The following MAMDC2 variants were observed in gnomAD, a reference collection of about 807,000 sequenced individuals.
MAMDC2 encodes the protein MAM domain containing 2.
MAMDC2 carries 57 observed loss-of-function variants against 89.8 expected under a neutral mutation model. The ratio of observed to expected loss-of-function variants is 0.63; its 90% CI spans 0.51 to 0.79. MAMDC2 has a LOEUF of 0.79. Ranked by LOEUF, MAMDC2 falls within the 30% of genes least tolerant of loss-of-function variation. MAMDC2 has a pLI of 0.00. For synonymous variants in MAMDC2, 313 were observed against 293.4 expected (o/e 1.07, Z -0.68); for missense variants, 800 against 820.6 (o/e 0.97, Z 0.31).
intron 9 of MAMDC2, among the ~76,000 whole-genome samples, chr9:70,163,672 G>T (rs2032063472): frequency 6.6e-6 from 1 of 152,080 alleles, no homozygotes; most frequent in South Asian, 2.1e-4. Flanking sequence ...TCAGGTAACA[G>T]ATCTGGTCAC....
At position 70,140,256 on chromosome 9, in the gene MAMDC2, T is replaced by G; in HGVS notation, c.1106T>G (p.Met369Arg). Residue 369 changes from methionine (M) to arginine (R), a missense_variant, in exon 8 of 14, where the codon ATG becomes AGG. Transcript: ENST00000377182. ...GWTRVKVKPN[M>R]YRAGDHTTGL... ...ACCCGAGTGAAAGTAAAACCAAACA[T>G]GTATCGGGCTGGAGACCACACTACA... The G allele has an allele frequency of 6.2e-7, 1 of 1,601,920 alleles. No individual in the cohort carries two copies. The highest frequency in any genetic ancestry group is 8.5e-7 in the Non-Finnish European group (1 of 1,175,720).
intron 11 of MAMDC2, among the ~76,000 whole-genome samples, chr9:70,171,556 A>G (rs577808937): frequency 6.9e-4 from 105 of 152,248 alleles, no homozygotes; most frequent in Non-Finnish European, 1.3e-3. Context: ...TTTCTCACTC[A>G]CACCCCCATT....
chr9:70,169,695 G>T (rs1334990674), intron 10 of MAMDC2: 1 of 152,080 alleles, frequency 6.6e-6, no homozygotes, highest in East Asian at 1.9e-4. Context: ...GATATAGGGA[G>T]GTACAACCAA....
At chr9:70,135,744 T>C (rs1178464334) in intron 7 of MAMDC2, among the ~76,000 whole-genome samples, 1 of 152,150 alleles carries the variant, frequency 6.6e-6, no homozygotes, top group East Asian at 1.9e-4. Context: ...CCAGAGTCCA[T>C]AGTTTAGATT....
At chr9:70,094,441 A>G (rs947479975) in intron 2 of MAMDC2, among the ~76,000 whole-genome samples, 6 of 152,232 alleles carry the variant, frequency 3.9e-5, no homozygotes, top group African/African-American at 1.4e-4. Context: ...TCTTTTGTGT[A>G]TCCTGACATA....
At chr9:70,187,186 G>T (rs192156615) in intron 11 of MAMDC2, among the ~76,000 whole-genome samples, 1 of 152,076 alleles carries the variant, frequency 6.6e-6, no homozygotes, top group African/African-American at 2.4e-5. Flanking sequence ...CTGCCTAACT[G>T]TCTCTCCTAT....
chr9:70,121,104 C>G (rs775974468), intron 5 of MAMDC2, among the ~76,000 whole-genome samples: 1 of 152,298 alleles, frequency 6.6e-6, no homozygotes, highest in Admixed American at 6.5e-5. Context: ...CCTCTGGCAC[C>G]GCGGCCAAGC....
At chr9:70,065,851 C>T (rs987498962) in intron 2 of MAMDC2, among the ~76,000 whole-genome samples, 1 of 152,144 alleles carries the variant, frequency 6.6e-6, no homozygotes, top group African/African-American at 2.4e-5. Context: ...TTTTTCCACC[C>T]TCCTATTCCT....
chr9:70,141,142 C>T (rs1587507687), intron 8 of MAMDC2, among the ~76,000 whole-genome samples: 1 of 152,176 alleles, frequency 6.6e-6, no homozygotes, highest in African/African-American at 2.4e-5. Context: ...TGAAAGAGCC[C>T]TCACAATTTT....
Position 70,221,403 on chromosome 9 carries a change from A to AGAGAGAGAGAGAGAGAGAGAGG in MAMDC2, c.1911+2812_1911+2813insAGAGAGAGAGAGAGAGGGAGAG, listed in dbSNP as rs1564005264. Among the ~76,000 whole-genome samples the AGAGAGAGAGAGAGAGAGAGAGG allele has an allele frequency of 2.4e-5, 3 of 122,954 alleles. No individual in the cohort carries two copies. In the East Asian group the frequency reaches 7.2e-4, roughly 30 times the overall value. The allele number at this position is 122,954 out of a possible 152,430, so 80.7% of individuals were successfully genotyped here. ...TATAGAGAGAGAGAGAGAGAGAGAGAGAGAGTAACATCAGATAACAAGTGC... is the reference window on the plus strand; with the variant it reads ...TATAGAGAGAGAGAGAGAGAGAGAGAGAGAGAGAGAGAGAGAGAGAGGGAGAGTAACATCAGATAACAAGTGC... On this transcript the variant is annotated intron_variant, in intron 12 of 13. Transcript: ENST00000377182.
rs151147196 is a variant in MAMDC2, at chr9:70,176,083, A to T, written c.1651+5452A>T. ...CAGGATTTAGGGCAATGGGTTGAACATTGAAGGAACAGGGTAAACTCTTAA... is the reference window on the plus strand; with the variant it reads ...CAGGATTTAGGGCAATGGGTTGAACTTTGAAGGAACAGGGTAAACTCTTAA... On this transcript the variant is annotated intron_variant, in intron 11 of 13. Transcript: ENST00000377182. 3.9e-3 allele frequency among the ~76,000 whole-genome samples: 598 copies of T among 152,348 alleles called. 3 individuals carry two copies. Among genetic ancestry groups the T allele is most frequent in the African/African-American group, 0.013 (553 of 41,580 alleles).
At chr9:70,162,175 G>T (rs1014126009) in intron 9 of MAMDC2, among the ~76,000 whole-genome samples, 1 of 152,156 alleles carries the variant, frequency 6.6e-6, no homozygotes, top group African/African-American at 2.4e-5. Context: ...TGTCTATCAA[G>T]CAGGTCATGG....
chr9:70,205,292 A>G (rs1328899347), intron 11 of MAMDC2, among the ~76,000 whole-genome samples: 2 of 152,198 alleles, frequency 1.3e-5, no homozygotes, highest in African/African-American at 4.8e-5. Flanking sequence ...TTCATTTCCC[A>G]AAACTGAAAC....
chr9:70,092,921 C>T (rs1311976779), intron 2 of MAMDC2, among the ~76,000 whole-genome samples: 2 of 152,118 alleles, frequency 1.3e-5, no homozygotes, highest in African/African-American at 2.4e-5. Context: ...AATGTGTTTA[C>T]CTCCACTGCT....
intron 2 of MAMDC2, among the ~76,000 whole-genome samples, chr9:70,072,044 C>T (rs768660679): frequency 1.1e-4 from 16 of 152,034 alleles, no homozygotes; most frequent in East Asian, 5.8e-4. Context: ...AAAACCTTAT[C>T]GAGTTTATTA....
At chr9:70,117,665 A>G (rs928496219) in intron 5 of MAMDC2, among the ~76,000 whole-genome samples, 4 of 152,130 alleles carry the variant, frequency 2.6e-5, no homozygotes, top group Non-Finnish European at 5.9e-5. Context: ...AGTTTACAGG[A>G]ACCAACTTTT....
intron 9 of MAMDC2, among the ~76,000 whole-genome samples, chr9:70,163,424 C>T (rs541928407): frequency 1.8e-3 from 268 of 151,742 alleles, no homozygotes; most frequent in Middle Eastern, 3.4e-3. Context: ...GACAAGGTTT[C>T]GCAATGTTGG....
chr9:70,118,477 T>C (rs1223889377), intron 5 of MAMDC2, among the ~76,000 whole-genome samples: 1 of 152,206 alleles, frequency 6.6e-6, no homozygotes, highest in Admixed American at 6.5e-5. Flanking sequence ...ATTTGATCCG[T>C]ATCATTCTTT....
chr9:70,205,701 CAG>C (rs1209965067), intron 11 of MAMDC2, among the ~76,000 whole-genome samples: 1 of 152,184 alleles, frequency 6.6e-6, no homozygotes, highest in Non-Finnish European at 1.5e-5. Context: ...CAGTGACCCA[CAG>C]AGAGAATGTA....
Sources: gnomAD v4.1 joint callset for allele counts (sites outside exome capture counted in the v4.1 genomes callset) on GRCh38, gnomAD v4.1.1 for gene constraint, MANE v1.5 for transcripts, NCBI Gene and HGNC (gene_info 2026-07-23, HGNC 2026-07-21) for gene names.